CNTN5: variants seen among roughly 807,000 people sequenced by gnomAD.
CNTN5 encodes contactin-5.
A neutral mutation model predicts 129.1 loss-of-function variants in CNTN5; 77 were observed. That is an observed-to-expected ratio of 0.60 (90% CI 0.50 to 0.72). The LOEUF is 0.72. Among genes scored for constraint, CNTN5 ranks in the 30% least tolerant of loss-of-function variants. The pLI, the probability that CNTN5 is intolerant of heterozygous loss-of-function variation, is 0.00. For synonymous variants in CNTN5, 509 were observed against 465.6 expected (o/e 1.09, Z -1.20); for missense variants, 1,478 against 1,328.8 (o/e 1.11, Z -1.75).
intron 4 of CNTN5, among the ~76,000 whole-genome samples, chr11:99,831,405 A>G (rs1175075797): frequency 6.6e-6 from 1 of 152,146 alleles, no homozygotes; most frequent in Non-Finnish European, 1.5e-5. Context: ...AATTCGTTCA[A>G]CTTTCGAAGT....
chr11:100,170,765 G>A (rs1947798313), intron 13 of CNTN5, among the ~76,000 whole-genome samples: 1 of 151,564 alleles, frequency 6.6e-6, no homozygotes, highest in African/African-American at 2.4e-5. Context: ...GACTGATCTT[G>A]ATGAGAAAGA....
chr11:99,695,726 CAAAT>C lies in CNTN5; in HGVS notation c.56-123808_56-123805del, dbSNP rs538457866. On this transcript the variant is annotated intron_variant, in intron 3 of 24. Coordinates refer to ENST00000524871, the MANE Select transcript of CNTN5 (RefSeq NM_014361.4). Reference sequence around the variant, plus strand: ...ACTCCATCTCTACAAAATAAATAAACAAATAAATAAATAGAAAGAAAGCGAAAAA... The same window carrying C: ...ACTCCATCTCTACAAAATAAATAAACAAATAAATAGAAAGAAAGCGAAAAA... Among the ~76,000 whole-genome samples the C allele has an allele frequency of 2.9e-3, 445 of 151,778 alleles. 3 individuals are homozygous for C. The highest frequency in any genetic ancestry group is 5.6e-3 in the Non-Finnish European group (382 of 67,894).
chr11:99,133,966 A>T (rs575075067), intron 1 of CNTN5, among the ~76,000 whole-genome samples: 40 of 152,322 alleles, frequency 2.6e-4, no homozygotes, highest in African/African-American at 9.6e-4. Context: ...ATGTATGTTC[A>T]TTGCAGCACT....
chr11:100,247,598 G>A (rs761111409), intron 16 of CNTN5, among the ~76,000 whole-genome samples: 1 of 152,006 alleles, frequency 6.6e-6, no homozygotes, highest in Non-Finnish European at 1.5e-5. Context: ...CTGCCAGCCC[G>A]GGATGTCAAG....
intron 16 of CNTN5, among the ~76,000 whole-genome samples, chr11:100,251,280 CT>C (rs1449379698): frequency 1.3e-5 from 2 of 152,084 alleles, no homozygotes; most frequent in African/African-American, 2.4e-5. Context: ...CTGAAAGCTT[CT>C]TTTGTTTATT....
At chr11:100,055,643 G>A (rs1370671269) in intron 9 of CNTN5, among the ~76,000 whole-genome samples, 3 of 151,450 alleles carry the variant, frequency 2.0e-5, no homozygotes, top group Non-Finnish European at 4.4e-5. Context: ...CATTGCTGCT[G>A]TTGAAAAGCC....
chr11:100,266,086 G>A (rs73563738), intron 17 of CNTN5, among the ~76,000 whole-genome samples: 1 of 151,960 alleles, frequency 6.6e-6, no homozygotes, highest in Middle Eastern at 3.2e-3. Flanking sequence ...GATTTATTTG[G>A]TATTTTATTA....
chr11:99,181,906 G>A (rs1030753844), intron 1 of CNTN5, among the ~76,000 whole-genome samples: 5 of 152,098 alleles, frequency 3.3e-5, no homozygotes, highest in African/African-American at 7.2e-5. Context: ...TGAGCAACCC[G>A]CATCTGAGGT....
Position 100,357,147 on chromosome 11 carries a change from C to T in CNTN5, c.*927C>T, listed in dbSNP as rs185727144. ...GTTTTCTTCTAATTGCAAAATTTTGCAAAAATTTTAAGGGCAATGAAAATT... is the reference window on the plus strand; with the variant it reads ...GTTTTCTTCTAATTGCAAAATTTTGTAAAAATTTTAAGGGCAATGAAAATT... On this transcript the variant is annotated 3_prime_UTR_variant, in exon 25 of 25. Transcript: ENST00000524871. 122 of 151,466 alleles carry T rather than the reference C, an allele frequency of 8.1e-4. 1 individual carries two copies. In the East Asian group the frequency reaches 0.017, roughly 21 times the overall value. 9.4% of individuals were successfully genotyped at this position (151,466 alleles called of 1,614,324 possible).
chr11:100,332,431 A>T (rs1257217693), intron 21 of CNTN5, among the ~76,000 whole-genome samples: 1 of 152,154 alleles, frequency 6.6e-6, no homozygotes, highest in Admixed American at 6.5e-5. Context: ...TACCAATTCT[A>T]CTGACACTAC....
intron 3 of CNTN5, among the ~76,000 whole-genome samples, chr11:99,598,409 TCTCCCTCCCTTCCTTCCTCCCTCC>T (rs1247960557): frequency 2.6e-5 from 3 of 117,024 alleles, no homozygotes; most frequent in South Asian, 3.8e-4. Context: ...TCCCTCCCTC[TCTCCCTCCCTTCCTTCCTCCCTCC>T]CTCCCTCCCT....
chr11:99,441,949 T>C (rs1032415320), intron 2 of CNTN5, among the ~76,000 whole-genome samples: 1 of 152,158 alleles, frequency 6.6e-6, no homozygotes, highest in Non-Finnish European at 1.5e-5. Context: ...GTACTATTGA[T>C]AAGAATGAGA....
intron 15 of CNTN5, among the ~76,000 whole-genome samples, chr11:100,221,360 C>G (rs1949261523): frequency 6.6e-6 from 1 of 152,158 alleles, no homozygotes; most frequent in Non-Finnish European, 1.5e-5. Context: ...CTAAAGGCAA[C>G]AAGAGCCAGC....
intron 3 of CNTN5, among the ~76,000 whole-genome samples, chr11:99,574,224 A>T (rs1949272495): frequency 6.6e-6 from 1 of 152,158 alleles, no homozygotes; most frequent in Non-Finnish European, 1.5e-5. Flanking sequence ...GTCCCTGCAA[A>T]GGACACAAAC....
At chr11:100,001,824 G>A (rs1424552133) in intron 8 of CNTN5, among the ~76,000 whole-genome samples, 1 of 152,102 alleles carries the variant, frequency 6.6e-6, no homozygotes, top group African/African-American at 2.4e-5. Flanking sequence ...TAATGAACAT[G>A]CATGTAATCT....
chr11:99,212,047 A>G (rs530138648), intron 1 of CNTN5, among the ~76,000 whole-genome samples: 7 of 152,182 alleles, frequency 4.6e-5, no homozygotes, highest in Non-Finnish European at 1.0e-4. Flanking sequence ...ACTGTATGAT[A>G]AGACAATGAA....
At chr11:99,365,471 G>A (rs72985743) in intron 2 of CNTN5, among the ~76,000 whole-genome samples, 8,358 of 152,194 alleles carry the variant, frequency 0.055, 348 homozygotes, top group African/African-American at 0.11. Flanking sequence ...AACATGTGGA[G>A]AGAAGAGAAA....
At chr11:100,060,022 G>A (rs1267733726) in intron 9 of CNTN5, among the ~76,000 whole-genome samples, 2 of 151,750 alleles carry the variant, frequency 1.3e-5, no homozygotes, top group African/African-American at 4.8e-5. Context: ...CAGCCTTGCC[G>A]ACATGATGAA....
intron 3 of CNTN5, among the ~76,000 whole-genome samples, chr11:99,716,754 TCTCTAA>T (rs1295088403): frequency 6.6e-6 from 1 of 152,120 alleles, no homozygotes; most frequent in Non-Finnish European, 1.5e-5. Flanking sequence ...TAGTTTAAGT[TCTCTAA>T]CTCTAAGGAC....
Sources: allele counts gnomAD v4.1 joint callset (sites outside exome capture counted in the v4.1 genomes callset), GRCh38; gene constraint gnomAD v4.1.1; transcripts MANE v1.5; gene names NCBI Gene and HGNC (gene_info 2026-07-23, HGNC 2026-07-21).